The following LRP1B variants were observed in gnomAD, a reference collection of about 807,000 sequenced individuals.
The protein encoded by LRP1B is low-density lipoprotein receptor-related protein 1B.
In LRP1B, 217 loss-of-function variants were observed where a neutral mutation model predicts 556.6. That is an observed-to-expected ratio of 0.39 (90% CI 0.35 to 0.44). The LOEUF (loss-of-function observed/expected upper bound fraction) is 0.44. Among genes scored for constraint, LRP1B ranks in the 20% least tolerant of loss-of-function variants. The pLI is 1.00. For missense variants in LRP1B, 5,053 were observed against 5,620.8 expected (o/e 0.90, Z 3.23); for synonymous variants, 2,047 against 1,865.8 (o/e 1.10, Z -2.50).
At chr2:141,352,904 T>C (rs1688494593) in intron 3 of LRP1B, among the ~76,000 whole-genome samples, 1 of 152,134 alleles carries the variant, frequency 6.6e-6, no homozygotes, top group South Asian at 2.1e-4. Context: ...AAATAGTTTA[T>C]ATATTTATAT....
chr2:140,298,009 C>T (rs745578614), intron 83 of LRP1B, 40 bp from the exon 84 acceptor site: 6 of 1,525,172 alleles, frequency 3.9e-6, no homozygotes, highest in Non-Finnish European at 5.3e-6. Flanking sequence ...AATTATTCAA[C>T]CAAAATAGTT....
chr2:141,848,209 A>G (rs1697720022), intron 1 of LRP1B, among the ~76,000 whole-genome samples: 1 of 151,648 alleles, frequency 6.6e-6, no homozygotes, highest in South Asian at 2.1e-4. Context: ...CTGAAAACCT[A>G]TTCTGAAACG....
At chr2:142,097,228 T>C (rs1038400735) in intron 1 of LRP1B, among the ~76,000 whole-genome samples, 6 of 151,696 alleles carry the variant, frequency 4.0e-5, no homozygotes, top group Non-Finnish European at 7.4e-5. Flanking sequence ...TTCACACATA[T>C]ATGGTGAAAA....
intron 32 of LRP1B, among the ~76,000 whole-genome samples, chr2:140,806,064 T>TCTC (rs111250276): frequency 6.6e-6 from 1 of 151,206 alleles, no homozygotes; most frequent in Non-Finnish European, 1.5e-5. Context: ...AGAGAGCTCT[T>TCTC]TCTCTCTCTC....
intron 1 of LRP1B, among the ~76,000 whole-genome samples, chr2:141,935,690 A>G (rs1374706141): frequency 2.0e-5 from 3 of 152,218 alleles, no homozygotes; most frequent in Non-Finnish European, 4.4e-5. Flanking sequence ...CTCGCTATCA[A>G]TAGGAGACAT....
chr2:140,480,436 T>C (rs1688183653), intron 59 of LRP1B, among the ~76,000 whole-genome samples: 1 of 152,192 alleles, frequency 6.6e-6, no homozygotes, highest in Non-Finnish European at 1.5e-5. Context: ...TGACCTACTA[T>C]TTCCTTGTGG....
At chr2:140,743,965 CAAAAAAAAA>C (rs780716758) in intron 35 of LRP1B, among the ~76,000 whole-genome samples, 10 of 2,580 alleles carry the variant, frequency 3.9e-3, no homozygotes, top group African/African-American at 0.011. Context: ...GACTTGGTCT[CAAAAAAAAA>C]AAAAAAAAAA....
chr2:141,492,422 T>G (rs1456334522), intron 2 of LRP1B, among the ~76,000 whole-genome samples: 3 of 152,176 alleles, frequency 2.0e-5, no homozygotes, highest in Non-Finnish European at 4.4e-5. Context: ...GCTCTGTGAC[T>G]GTTGGTCAAA....
At chr2:141,117,031 C>T (rs1332071840) in intron 7 of LRP1B, among the ~76,000 whole-genome samples, 2 of 152,010 alleles carry the variant, frequency 1.3e-5, no homozygotes, top group African/African-American at 4.8e-5. Flanking sequence ...TTATTAAAAT[C>T]TTCCTTAATC....
intron 7 of LRP1B, among the ~76,000 whole-genome samples, chr2:141,091,653 T>A (rs1700175286): frequency 2.0e-5 from 3 of 152,198 alleles, no homozygotes; most frequent in Non-Finnish European, 4.4e-5. Context: ...CCTTGGGCCC[T>A]GAGCTGCTGG....
At chr2:140,461,081 A>AAAAG (rs1361636689) in intron 60 of LRP1B, among the ~76,000 whole-genome samples, 2 of 151,576 alleles carry the variant, frequency 1.3e-5, no homozygotes, top group South Asian at 2.1e-4. Flanking sequence ...AAAAAAAAAA[A>AAAAG]AAAGAAAGAA....
chr2:140,940,622 C>T lies in LRP1B; in HGVS notation c.3136+9613G>A, dbSNP rs551566245. 3.9e-5 allele frequency among the ~76,000 whole-genome samples: 6 copies of T among 152,250 alleles called. No individual in the cohort carries two copies. The South Asian group carries it at 1.2e-3, about 32-fold the overall frequency. On this transcript the variant is annotated intron_variant, in intron 20 of 90. Coordinates refer to ENST00000389484, the MANE Select transcript of LRP1B (RefSeq NM_018557.3). ...CCTCATACCAAATTCTGTAGGGACC[C>T]AGCCTTACTTATTTTTCCATTGAGA...
intron 41 of LRP1B, among the ~76,000 whole-genome samples, chr2:140,612,178 A>T (rs1683094986): frequency 6.6e-6 from 1 of 152,092 alleles, no homozygotes; most frequent in African/African-American, 2.4e-5. Context: ...TTTTCCATTG[A>T]CATTAATCAA....
chr2:140,360,753 G>A (rs1206498519), intron 72 of LRP1B, among the ~76,000 whole-genome samples: 1 of 151,418 alleles, frequency 6.6e-6, no homozygotes, highest in Non-Finnish European at 1.5e-5. Context: ...TCTTACGTAA[G>A]CCACCACTCT....
intron 28 of LRP1B, among the ~76,000 whole-genome samples, 155 bp from the exon 29 acceptor site, chr2:140,850,484 A>G (rs541411050): frequency 2.9e-4 from 44 of 152,362 alleles, no homozygotes; most frequent in Non-Finnish European, 4.7e-4. Context: ...TCTATTTTAA[A>G]TTAAGGTATT....
In LRP1B at chr2:141,158,205, T is replaced by A. The variant is rs779619687; in HGVS notation, c.1013+30216A>T. Among the ~76,000 whole-genome samples, 16 of 152,158 alleles carry A rather than the reference T, an allele frequency of 1.1e-4. 1 individual carries two copies. Among genetic ancestry groups the A allele is most frequent in the Non-Finnish European group, 1.0e-4 (7 of 68,020 alleles). Reference sequence around the variant, plus strand: ...CAGTTGAATTAAGCCTCTTTTATCATGTATGTTTCTTTACCCCGCTGCTAT... The same window carrying A: ...CAGTTGAATTAAGCCTCTTTTATCAAGTATGTTTCTTTACCCCGCTGCTAT... On this transcript the variant is annotated intron_variant, in intron 7 of 90. Transcript: ENST00000389484.
chr2:141,706,145 C>T (rs555923176), intron 2 of LRP1B, among the ~76,000 whole-genome samples: 2 of 152,122 alleles, frequency 1.3e-5, no homozygotes, highest in East Asian at 1.9e-4. Flanking sequence ...TGCTATCATG[C>T]TTCCCTCCAA....
intron 32 of LRP1B, among the ~76,000 whole-genome samples, chr2:140,810,180 A>G (rs1436775243): frequency 6.7e-6 from 1 of 148,204 alleles, no homozygotes; most frequent in East Asian, 2.1e-4. Context: ...AGGTTTAAAA[A>G]CTTGTGCAAA....
chr2:140,284,047 C>T (rs184405101), intron 84 of LRP1B, among the ~76,000 whole-genome samples: 108 of 144,666 alleles, frequency 7.5e-4, no homozygotes, highest in Non-Finnish European at 1.3e-3. Flanking sequence ...ATATAGGCCA[C>T]GCCTCCACAG....
Sources: gnomAD v4.1 joint callset for allele counts (sites outside exome capture counted in the v4.1 genomes callset) on GRCh38, gnomAD v4.1.1 for gene constraint, MANE v1.5 for transcripts, NCBI Gene and HGNC (gene_info 2026-07-23, HGNC 2026-07-21) for gene names.